The following FBXL20 variants were observed in gnomAD, a reference collection of about 807,000 sequenced individuals.
The protein encoded by FBXL20 is F-box and leucine rich repeat protein 20.
FBXL20 carries 11 observed loss-of-function variants against 64.0 expected under a neutral mutation model. That is an observed-to-expected ratio of 0.17 (90% CI 0.11 to 0.28). The LOEUF is 0.28. FBXL20 is among the 10% of genes least tolerant of loss of function. The pLI is 1.00. For synonymous variants in FBXL20, 184 were observed against 189.0 expected (o/e 0.97, Z 0.22); for missense variants, 303 against 526.2 (o/e 0.58, Z 4.15).
intron 6 of FBXL20, among the ~76,000 whole-genome samples, chr17:39,295,782 G>T (rs1484341962): frequency 4.1e-5 from 5 of 122,826 alleles, no homozygotes; most frequent in African/African-American, 1.4e-4. Flanking sequence ...TGCAAATATG[G>T]AGATATATAT....
Position 39,401,616 on chromosome 17 carries a change from C to T in FBXL20, c.-214G>A, listed in dbSNP as rs1359444810. On this transcript the variant is annotated 5_prime_UTR_variant, in exon 1 of 15. Coordinates refer to ENST00000264658, the MANE Select transcript of FBXL20 (RefSeq NM_032875.3). Reference sequence around the variant, plus strand: ...CCGCAACGACTGCTCGTCGCTAGCTCGGCTCTCTCCTCAGCCTCAACTTCA... The same window carrying T: ...CCGCAACGACTGCTCGTCGCTAGCTTGGCTCTCTCCTCAGCCTCAACTTCA... 1.4e-6 allele frequency: 2 copies of T among 1,398,576 alleles called. No homozygotes were observed. Among genetic ancestry groups the T allele is most frequent in the African/African-American group, 1.5e-5 (1 of 65,222 alleles). The allele number at this position is 1,398,576 out of a possible 1,614,324, so 86.6% of individuals were successfully genotyped here. A position where few individuals can be genotyped will look rare whatever the true frequency, so the allele number is the denominator to read the frequency against.
intron 2 of FBXL20, among the ~76,000 whole-genome samples, chr17:39,314,938 C>A (rs1202964262): frequency 6.6e-6 from 1 of 151,814 alleles, no homozygotes; most frequent in African/African-American, 2.4e-5. Context: ...GCTGGGATTA[C>A]AGGTGTACAC....
intron 10 of FBXL20, among the ~76,000 whole-genome samples, chr17:39,271,899 G>A (rs1377651229): frequency 2.0e-5 from 3 of 152,122 alleles, no homozygotes; most frequent in Non-Finnish European, 4.4e-5. Context: ...TCTTACTACT[G>A]AAGTTGAAAA....
intron 2 of FBXL20, among the ~76,000 whole-genome samples, chr17:39,308,398 GGA>G (rs2047202098): frequency 6.6e-6 from 1 of 151,940 alleles, no homozygotes; most frequent in African/African-American, 2.4e-5. Flanking sequence ...AGGGGGCTAA[GGA>G]AAGAGGATCA....
In FBXL20 at chr17:39,260,167, GA is replaced by G. The variant is rs2046732723; in HGVS notation, c.*1292del. The G allele has an allele frequency of 2.0e-5, 3 of 152,098 alleles. No individual in the cohort carries two copies. The allele number at this position is 152,098 out of a possible 1,614,324, so 9.4% of individuals were successfully genotyped here. On this transcript the variant is annotated 3_prime_UTR_variant, in exon 15 of 15. Coordinates refer to ENST00000264658, the MANE Select transcript of FBXL20 (RefSeq NM_032875.3). ...AAAGGCTGAAATGGGGGAAAAGAGAGAAACAGACTGGCTAGAATACACAGCT... is the reference window on the plus strand; with the variant it reads ...AAAGGCTGAAATGGGGGAAAAGAGAGAACAGACTGGCTAGAATACACAGCT...
chr17:39,335,853 G>A (rs1271619610), intron 2 of FBXL20, among the ~76,000 whole-genome samples: 2 of 152,106 alleles, frequency 1.3e-5, no homozygotes, highest in Non-Finnish European at 2.9e-5. Context: ...TATAAAAGGG[G>A]AAACAGGCTG....
In FBXL20 at chr17:39,385,793, A is replaced by C. The variant is rs369700332; in HGVS notation, c.42+15568T>G. On this transcript the variant is annotated intron_variant, in intron 1 of 14. Coordinates refer to ENST00000264658, the MANE Select transcript of FBXL20 (RefSeq NM_032875.3). ...ACGCCTATAATCCCAGCACTTTGGG[A>C]GGCCGAGGTGGGCAGATCATGAGCT... 4.3e-4 allele frequency among the ~76,000 whole-genome samples: 65 copies of C among 152,276 alleles called. No homozygotes were observed. In the East Asian group the frequency reaches 7.5e-3, roughly 18 times the overall value.
intron 1 of FBXL20, among the ~76,000 whole-genome samples, chr17:39,396,005 G>C (rs1043692315): frequency 8.5e-6 from 1 of 117,942 alleles, no homozygotes; most frequent in Non-Finnish European, 1.6e-5. Context: ...CAAGAGTTTT[G>C]TGGGGTTTTT....
intron 1 of FBXL20, among the ~76,000 whole-genome samples, chr17:39,377,948 C>T (rs1708594797): frequency 6.6e-6 from 1 of 152,060 alleles, no homozygotes; most frequent in South Asian, 2.1e-4. Flanking sequence ...GGGAGTTTGA[C>T]GCTTCAGTGA....
chr17:39,271,715 G>A (rs1196791902), intron 10 of FBXL20, among the ~76,000 whole-genome samples: 1 of 151,900 alleles, frequency 6.6e-6, no homozygotes, highest in Non-Finnish European at 1.5e-5. Flanking sequence ...GGCTCCCATG[G>A]AGGCCCAGTT....
In FBXL20 at chr17:39,357,404, T is replaced by G. The variant is rs117157380; in HGVS notation, c.43-14163A>C. On this transcript the variant is annotated intron_variant, in intron 1 of 14. Transcript: ENST00000264658. ...ATACTGTTCCATTAATCTATACATA[T>G]ATCTTTATGTCAACAATTCACTGTC... Among the ~76,000 whole-genome samples, 103 of 152,280 alleles carry G rather than the reference T, an allele frequency of 6.8e-4. 1 individual carries two copies. In the East Asian group the frequency reaches 0.018, roughly 27 times the overall value.
In FBXL20 at chr17:39,343,231, T is replaced by C. The variant is rs1156522047; in HGVS notation, c.53A>G (p.Asn18Ser). ...VTKSRFEMFS[N>S]SDEAVINKKL... The stretch of plus-strand genomic sequence containing the variant: ...TTTATTGATTACAGCTTCATCACTA[T>C]TTGAGAACATCTGCAAAAACAAAAT... Residue 18 changes from asparagine to serine, a missense_variant, in exon 2 of 15, where the codon AAT becomes AGT. This residue lies in a region of FBXL20 where 246 missense variants were observed against 422.6 expected (regional missense o/e 0.58). Coordinates refer to ENST00000264658, the MANE Select transcript of FBXL20 (RefSeq NM_032875.3). 3 of 1,598,162 alleles carry C rather than the reference T, an allele frequency of 1.9e-6. No homozygotes were observed. The highest frequency in any genetic ancestry group is 1.3e-5 in the African/African-American group (1 of 74,234).
intron 2 of FBXL20, among the ~76,000 whole-genome samples, chr17:39,332,739 C>T (rs1426244705): frequency 6.6e-6 from 1 of 151,772 alleles, no homozygotes; most frequent in Non-Finnish European, 1.5e-5. Context: ...GATGGGGTTT[C>T]ACCGTGTTAG....
At chr17:39,379,623 T>TA (rs889811556) in intron 1 of FBXL20, among the ~76,000 whole-genome samples, 3 of 150,402 alleles carry the variant, frequency 2.0e-5, no homozygotes, top group South Asian at 2.1e-4. Flanking sequence ...CTACTAAAAA[T>TA]AAAAAAAATT....
At position 39,335,515 on chromosome 17, in the gene FBXL20, G is replaced by A. The variant is rs561843643; in HGVS notation, c.104+7665C>T. The stretch of plus-strand genomic sequence containing the variant: ...GGGGAATAGTTTGAACCCAGGAGGC[G>A]GAGGTTGCAGTGAGCCGAGATCATG... On this transcript the variant is annotated intron_variant, in intron 2 of 14. Coordinates refer to ENST00000264658, the MANE Select transcript of FBXL20 (RefSeq NM_032875.3). 4.0e-4 allele frequency among the ~76,000 whole-genome samples: 61 copies of A among 150,754 alleles called. 1 individual carries two copies. Among genetic ancestry groups the A allele is most frequent in the Non-Finnish European group, 2.5e-4 (17 of 67,778 alleles).
At chr17:39,362,676 T>C (rs2047809838) in intron 1 of FBXL20, among the ~76,000 whole-genome samples, 1 of 148,664 alleles carries the variant, frequency 6.7e-6, no homozygotes, top group Admixed American at 6.8e-5. Context: ...TGGAGTGCAG[T>C]AGTGCGACCT....
chr17:39,330,310 T>A (rs556458658), intron 2 of FBXL20, among the ~76,000 whole-genome samples: 64 of 145,532 alleles, frequency 4.4e-4, no homozygotes, highest in Non-Finnish European at 6.8e-4. Flanking sequence ...AAATAAAAAA[T>A]AAAAATAAAA....
intron 1 of FBXL20, among the ~76,000 whole-genome samples, chr17:39,396,484 T>C (rs1186554955): frequency 1.3e-5 from 2 of 151,524 alleles, no homozygotes; most frequent in Non-Finnish European, 2.9e-5. Flanking sequence ...TAATCCCAGC[T>C]ACTCAGGAGG....
intron 1 of FBXL20, among the ~76,000 whole-genome samples, chr17:39,348,492 A>G (rs2047656039): frequency 6.6e-6 from 1 of 151,972 alleles, no homozygotes; most frequent in Non-Finnish European, 1.5e-5. Context: ...GAGTCTCAGT[A>G]TGTTGACCAG....
Sources: gnomAD v4.1 joint callset for allele counts (sites outside exome capture counted in the v4.1 genomes callset) on GRCh38, gnomAD v4.1.1 for gene constraint, gnomAD v4.1.1 regional missense constraint, MANE v1.5 for transcripts, NCBI Gene and HGNC (gene_info 2026-07-23, HGNC 2026-07-21) for gene names.